Variants in AKIRIN1 observed in about 807,000 individuals in gnomAD.
The protein encoded by AKIRIN1 is akirin 1, also known as akirin-1.
Under a neutral mutation model 25.9 loss-of-function variants are expected in AKIRIN1, and 4 were observed. That is an observed-to-expected ratio of 0.15 (90% CI 0.08 to 0.35). AKIRIN1 has a LOEUF of 0.35. AKIRIN1 is among the 10% of genes least tolerant of loss of function. The pLI is 1.00. For synonymous variants in AKIRIN1, 125 were observed against 105.1 expected (o/e 1.19, Z -1.16); for missense variants, 243 against 266.1 (o/e 0.91, Z 0.61).
chr1:38,991,659 G>A (rs1284811631), intron 1 of AKIRIN1, 59 bp downstream of exon 1: 11 of 972,480 alleles, frequency 1.1e-5, no homozygotes, highest in South Asian at 9.6e-5. Context: ...TTTGGGGGGG[G>A]TGGTGGGGGA....
intron 1 of AKIRIN1, among the ~76,000 whole-genome samples, chr1:38,996,676 C>T (rs1270803630): frequency 3.9e-5 from 6 of 152,056 alleles, no homozygotes; most frequent in African/African-American, 2.4e-5. Flanking sequence ...ACTACAGGCA[C>T]GTGCCACCAC....
intron 1 of AKIRIN1, among the ~76,000 whole-genome samples, chr1:38,994,746 G>A (rs6670764): frequency 0.37 from 50,841 of 138,096 alleles, 9,485 homozygotes; most frequent in Non-Finnish European, 0.4. Flanking sequence ...CTGGAGTGCA[G>A]TAGCATGATC....
At chr1:39,003,609 T>C (rs1459677105) in intron 4 of AKIRIN1, among the ~76,000 whole-genome samples, 191 bp downstream of exon 4, 1 of 152,192 alleles carries the variant, frequency 6.6e-6, no homozygotes, top group East Asian at 1.9e-4. Flanking sequence ...TATTATTAGC[T>C]CCATTTTACT....
chr1:39,002,094 A>G (rs912936317), intron 3 of AKIRIN1, among the ~76,000 whole-genome samples: 2 of 152,242 alleles, frequency 1.3e-5, no homozygotes, highest in African/African-American at 2.4e-5. Context: ...ACATTAAACC[A>G]CAGTACTCTA....
At chr1:38,996,788 CA>C (rs1643951453) in intron 1 of AKIRIN1, among the ~76,000 whole-genome samples, 1 of 152,148 alleles carries the variant, frequency 6.6e-6, no homozygotes, top group South Asian at 2.1e-4. Flanking sequence ...CTCAGCCTCC[CA>C]AAGTGCTGGG....
intron 4 of AKIRIN1, 50 bp downstream of exon 4, chr1:39,003,468 T>C: frequency 1.3e-6 from 2 of 1,557,452 alleles, no homozygotes; most frequent in Non-Finnish European, 1.8e-6. Context: ...AAGAGCAAAA[T>C]TTCTACACTG....
Position 38,991,571 on chromosome 1 carries a change from C to G in AKIRIN1, c.191C>G (p.Pro64Arg). 7.3e-7 allele frequency: 1 copy of G among 1,361,124 alleles called. No individual in the cohort carries two copies. The highest frequency in any genetic ancestry group is 9.4e-7 in the Non-Finnish European group (1 of 1,058,994). 84.3% of individuals were successfully genotyped at this position (1,361,124 alleles called of 1,614,324 possible). Reference sequence around the variant, plus strand: ...CAGAGTCTGCAGCAGCCCGCCCCGCCCGGCAGCGAGCGGCGCCTTCCAACT... The same window carrying G: ...CAGAGTCTGCAGCAGCCCGCCCCGCGCGGCAGCGAGCGGCGCCTTCCAACT... ...PPQSLQQPAP[P>R]GSERRLPTPE... The change falls in exon 1 of 5, where the codon CCC (proline) becomes CGC (arginine). Residue 64 changes from proline to arginine, a missense_variant. This residue lies in a region of AKIRIN1 where 190 missense variants were observed against 174.4 expected (regional missense o/e 1.09). Transcript: ENST00000432648.
chr1:38,991,296 C>G lies in AKIRIN1; in HGVS notation c.-85C>G. 2 of 1,212,474 alleles carry G rather than the reference C, an allele frequency of 1.6e-6. No homozygotes were observed. Among genetic ancestry groups the G allele is most frequent in the Non-Finnish European group, 1.1e-6 (1 of 945,142 alleles). The allele number at this position is 1,212,474 out of a possible 1,614,324, so 75.1% of individuals were successfully genotyped here. On this transcript the variant is annotated 5_prime_UTR_variant, in exon 1 of 5. Transcript: ENST00000432648. ...CGGGTGCTGGAGGCGCCATTGGAGC[C>G]GGCTTGGCTGGCGAGCCCGGCTGAG...
In AKIRIN1 at chr1:39,004,501, T is replaced by A. The variant is rs535699624; in HGVS notation, c.*446T>A. 3 of 280,660 alleles carry A rather than the reference T, an allele frequency of 1.1e-5. No individual in the cohort carries two copies. The highest frequency in any genetic ancestry group is 6.8e-5 in the African/African-American group (3 of 44,348). 17.4% of individuals were successfully genotyped at this position (280,660 alleles called of 1,614,324 possible). On this transcript the variant is annotated 3_prime_UTR_variant, in exon 5 of 5. Transcript: ENST00000432648. ...CTGTGAATTTGGTGCACGACAATTATGGTAAAAAAACATTTGCTTGGTCTA... is the reference window on the plus strand; with the variant it reads ...CTGTGAATTTGGTGCACGACAATTAAGGTAAAAAAACATTTGCTTGGTCTA...
At position 39,005,701 on chromosome 1, in the gene AKIRIN1, T is replaced by C. The variant is rs1271754137; in HGVS notation, c.*1646T>C. The C allele has an allele frequency of 6.6e-6, 1 of 152,244 alleles. No homozygotes were observed. Among genetic ancestry groups the C allele is most frequent in the Non-Finnish European group, 1.5e-5 (1 of 68,042 alleles). The allele number at this position is 152,244 out of a possible 1,614,324, so 9.4% of individuals were successfully genotyped here. ...CAATACCTTCCAAAGTAAGGTAATA[T>C]TCAGAGACAGTTGTTGTGATCAGAT... On this transcript the variant is annotated 3_prime_UTR_variant, in exon 5 of 5. Coordinates refer to ENST00000432648, the MANE Select transcript of AKIRIN1 (RefSeq NM_024595.3).
chr1:39,003,562 C>G (rs1644010784), intron 4 of AKIRIN1, 144 bp downstream of exon 4: 1 of 710,738 alleles, frequency 1.4e-6, no homozygotes, highest in Non-Finnish European at 2.3e-6. Context: ...CACACCAAAG[C>G]TTATATAAGC....
At chr1:38,998,376 T>C (rs929160904) in intron 2 of AKIRIN1, 65 bp downstream of exon 2, 2 of 1,496,664 alleles carry the variant, frequency 1.3e-6, no homozygotes, top group South Asian at 2.7e-5. Context: ...TAATGATGAA[T>C]CTAGAATTGG....
rs998356660 is a variant in AKIRIN1, at chr1:38,991,427, C to T, written c.47C>T (p.Ala16Val). The T allele has an allele frequency of 7.8e-5, 106 of 1,363,046 alleles. No individual in the cohort carries two copies. Among genetic ancestry groups the T allele is most frequent in the Non-Finnish European group, 9.2e-5 (98 of 1,062,098 alleles). 84.4% of individuals were successfully genotyped at this position (1,363,046 alleles called of 1,614,324 possible). A position where few individuals can be genotyped will look rare whatever the true frequency, so the allele number is the denominator to read the frequency against. ...AAGCGGCCCATGGAGTTCGAGGCGG[C>T]GCTGCTGAGCCCCGGCTCCCCGAAG... The part of the protein sequence containing the change: ...TLKRPMEFEA[A>V]LLSPGSPKRR... Residue 16 changes from alanine to valine, a missense_variant, in exon 1 of 5, where the codon GCG becomes GTG. Physicochemically the swap from Ala to Val is moderately conservative, Grantham distance 64 (BLOSUM62 0). Coordinates refer to ENST00000432648, the MANE Select transcript of AKIRIN1 (RefSeq NM_024595.3).
At position 39,001,006 on chromosome 1, in the gene AKIRIN1, T is replaced by A. The variant is rs1398693452; in HGVS notation, c.396T>A (p.Phe132Leu). 1 of 1,613,558 alleles carries A rather than the reference T, an allele frequency of 6.2e-7. No homozygotes were observed. Among genetic ancestry groups the A allele is most frequent in the Non-Finnish European group, 8.5e-7 (1 of 1,179,816 alleles). ...GGATGAAGAAGGACCAGCCCACATT[T>A]ACCCTCCGACAAGTTGGCATAATAT... ...SSWMKKDQPTFTLRQVGIICE... is the reference protein window; with the variant it reads ...SSWMKKDQPTLTLRQVGIICE... Residue 132 changes from phenylalanine (F) to leucine (L), a missense_variant, in exon 3 of 5, where the codon TTT (phenylalanine) becomes TTA (leucine). By Grantham distance (22) the Phe-to-Leu change is conservative. Transcript: ENST00000432648.
chr1:39,003,129 G>A (rs1473573668), intron 3 of AKIRIN1, among the ~76,000 whole-genome samples: 1 of 152,156 alleles, frequency 6.6e-6, no homozygotes, highest in African/African-American at 2.4e-5. Flanking sequence ...TACCATCAGT[G>A]ACCCATTCTA....
At chr1:38,995,271 T>C (rs925074609) in intron 1 of AKIRIN1, among the ~76,000 whole-genome samples, 5 of 152,048 alleles carry the variant, frequency 3.3e-5, no homozygotes, top group African/African-American at 4.8e-5. Flanking sequence ...ACCAGGAAAA[T>C]AAATTGAGGC....
chr1:38,994,756 C>G (rs1292084874), intron 1 of AKIRIN1, among the ~76,000 whole-genome samples: 1 of 137,652 alleles, frequency 7.3e-6, no homozygotes, highest in African/African-American at 2.7e-5. Context: ...GTAGCATGAT[C>G]TCGGCTCACT....
chr1:38,993,082 C>G (rs1013313200), intron 1 of AKIRIN1, among the ~76,000 whole-genome samples: 1 of 152,232 alleles, frequency 6.6e-6, no homozygotes, highest in Non-Finnish European at 1.5e-5. Flanking sequence ...TTGGGTCTCA[C>G]TTCTGCAAAT....
intron 1 of AKIRIN1, among the ~76,000 whole-genome samples, chr1:38,993,631 C>CAA (rs529279921): frequency 2.4e-4 from 26 of 108,980 alleles, no homozygotes; most frequent in South Asian, 3.2e-4. Context: ...AACTCCATCT[C>CAA]AAAAAAAAAA....
Sources: allele counts gnomAD v4.1 joint callset (sites outside exome capture counted in the v4.1 genomes callset), GRCh38; gene constraint gnomAD v4.1.1; regional missense constraint gnomAD v4.1.1; transcripts MANE v1.5; gene names NCBI Gene and HGNC (gene_info 2026-07-23, HGNC 2026-07-21).